Variants in CD2 observed in about 807,000 individuals in gnomAD.
CD2 encodes the protein T-cell surface antigen CD2.
Under a neutral mutation model 23.2 loss-of-function variants are expected in CD2, and 18 were observed. That is an observed-to-expected ratio of 0.77 (90% CI 0.54 to 1.15). The LOEUF is 1.15. Ranked by LOEUF, CD2 falls within the 50% of genes most tolerant of loss-of-function variation. The probability of loss-of-function intolerance (pLI) is 0.00; values close to 1 mark genes in which losing one functional copy is unlikely to be tolerated. For missense variants in CD2, 424 were observed against 423.1 expected (o/e 1.00, Z -0.02); for synonymous variants, 162 against 151.9 (o/e 1.07, Z -0.49).
At chr1:116,762,907 T>C (rs987271297) in intron 3 of CD2, among the ~76,000 whole-genome samples, 2 of 152,166 alleles carry the variant, frequency 1.3e-5, no homozygotes, top group Non-Finnish European at 2.9e-5. Flanking sequence ...CAAGATAAAA[T>C]TGTGGCCACC....
intron 4 of CD2, 81 bp from the exon 5 acceptor site, chr1:116,768,383 G>A (rs866683032): frequency 2.0e-5 from 27 of 1,333,188 alleles, no homozygotes; most frequent in South Asian, 2.9e-5. Context: ...CTAGCATGGC[G>A]CCTTGCATAT....
At chr1:116,767,596 A>G (rs900406370) in intron 4 of CD2, among the ~76,000 whole-genome samples, 2 of 151,876 alleles carry the variant, frequency 1.3e-5, no homozygotes, top group South Asian at 2.1e-4. Context: ...CAACTCAAAA[A>G]AAAAAAAAAA....
rs746891120 is a variant in CD2, at chr1:116,754,638, C to A, written c.69C>A (p.Val23=). The change falls in exon 2 of 5, where the codon GTC becomes GTA. Residue 23 remains valine (V), a synonymous_variant. Coordinates refer to ENST00000369478, the MANE Select transcript of CD2 (RefSeq NM_001767.5). ...LIFNVSSKGA[V]SKEITNALET... ...CTCTTTTGCTTTTTATAGGTGCAGT[C>A]TCCAAAGAGATTACGAATGCCTTGG... The A allele has an allele frequency of 5.6e-6, 9 of 1,608,088 alleles. No individual in the cohort carries two copies. Among genetic ancestry groups the A allele is most frequent in the South Asian group, 1.1e-5 (1 of 89,642 alleles).
chr1:116,768,308 T>C (rs1652278237), intron 4 of CD2, among the ~76,000 whole-genome samples, 156 bp from the exon 5 acceptor site: 1 of 152,216 alleles, frequency 6.6e-6, no homozygotes, highest in African/African-American at 2.4e-5. Flanking sequence ...CTTTCTCTCC[T>C]ACAAGCTTAG....
rs747778961 is a variant in CD2 at position 116,754,965 on chromosome 1, C to T, written c.382+14C>T. ...TGAAGATTCAAGGTAAGTGTTCATT[C>T]CCTTAATTGCTTTATTTCAGTGTGG... On this transcript the variant is annotated intron_variant, in intron 2 of 4. Coordinates refer to ENST00000369478, the MANE Select transcript of CD2 (RefSeq NM_001767.5). 2 of 1,534,066 alleles carry T rather than the reference C, an allele frequency of 1.3e-6. No individual in the cohort carries two copies. Among genetic ancestry groups the T allele is most frequent in the Non-Finnish European group, 1.8e-6 (2 of 1,123,084 alleles).
At chr1:116,756,725 G>T (rs907650577) in intron 2 of CD2, among the ~76,000 whole-genome samples, 1 of 152,068 alleles carries the variant, frequency 6.6e-6, no homozygotes. Flanking sequence ...CCCTTTAGCC[G>T]AAAGACAGTG....
rs773828485 is a variant in CD2 at position 116,768,461 on chromosome 1, C to T, written c.737-3C>T. On this transcript the variant is annotated splice_region_variant and splice_polypyrimidine_tract_variant and intron_variant, in intron 4 of 4. Coordinates refer to ENST00000369478, the MANE Select transcript of CD2 (RefSeq NM_001767.5). ...GAACTCTATTGAGGTTTTGTTGTTGCAGATGAGGAGCTGGAGACAAGAGCC... is the reference window on the plus strand; with the variant it reads ...GAACTCTATTGAGGTTTTGTTGTTGTAGATGAGGAGCTGGAGACAAGAGCC... 5 of 1,611,824 alleles carry T rather than the reference C, an allele frequency of 3.1e-6. No individual in the cohort carries two copies. The highest frequency in any genetic ancestry group is 4.2e-6 in the Non-Finnish European group (5 of 1,178,772).
At chr1:116,762,141 T>TGGCCA (rs1652075096) in intron 3 of CD2, among the ~76,000 whole-genome samples, 1 of 152,240 alleles carries the variant, frequency 6.6e-6, no homozygotes, top group Non-Finnish European at 1.5e-5. Flanking sequence ...GGGAGATCTT[T>TGGCCA]GATTAGAGTT....
rs1351140081 is a variant in CD2, at chr1:116,754,886, AG to A, written c.319del (p.Val107TyrfsTer18). 1 of 1,610,648 alleles carries A rather than the reference AG, an allele frequency of 6.2e-7. No homozygotes were observed. On this transcript the variant is annotated frameshift_variant, in exon 2 of 5. Transcript: ENST00000369478. LOFTEE classifies it high-confidence loss of function. ...HLKTDDQDIYKVSIYDTKGKN... is the reference protein window; with the variant it reads ...HLKTDDQDIYXVSIYDTKGKN... ...AAGACCGATGATCAGGATATCTACA[AG>A]GTATCAATATATGATACAAAAGGAA...
At chr1:116,758,199 A>G (rs974139438) in intron 2 of CD2, among the ~76,000 whole-genome samples, 5 of 152,026 alleles carry the variant, frequency 3.3e-5, no homozygotes, top group Non-Finnish European at 5.9e-5. Flanking sequence ...TAAACTTTTA[A>G]AAATATTTTA....
chr1:116,761,474 G>A (rs979415864), intron 3 of CD2, among the ~76,000 whole-genome samples: 3 of 152,134 alleles, frequency 2.0e-5, no homozygotes, highest in Admixed American at 1.3e-4. Flanking sequence ...CATTCATGTG[G>A]GCCGTTGGGC....
intron 4 of CD2, among the ~76,000 whole-genome samples, chr1:116,765,692 T>A (rs2101170086): frequency 6.6e-6 from 1 of 152,318 alleles, no homozygotes; most frequent in East Asian, 1.9e-4. Context: ...TGGCTTATCC[T>A]CCTCTGTGCC....
chr1:116,761,137 A>G (rs886417572), intron 3 of CD2, among the ~76,000 whole-genome samples: 2 of 152,158 alleles, frequency 1.3e-5, no homozygotes, highest in Non-Finnish European at 2.9e-5. Context: ...GTGGACAGCA[A>G]GGCAACACTC....
intron 4 of CD2, among the ~76,000 whole-genome samples, chr1:116,766,897 G>A (rs1365360585): frequency 1.3e-5 from 2 of 151,962 alleles, no homozygotes; most frequent in Non-Finnish European, 2.9e-5. Context: ...AAAATAGTGG[G>A]TGAACAGAGT....
chr1:116,765,847 G>A (rs1259680070), intron 4 of CD2, among the ~76,000 whole-genome samples: 3 of 152,266 alleles, frequency 2.0e-5, no homozygotes, highest in East Asian at 3.8e-4. Flanking sequence ...AAGAATGATG[G>A]TTAGCTCATG....
chr1:116,756,173 G>T (rs756499282), intron 2 of CD2, among the ~76,000 whole-genome samples: 2 of 152,118 alleles, frequency 1.3e-5, no homozygotes, highest in Admixed American at 1.3e-4. Context: ...TGAGTGGAGA[G>T]CACCTTGTAG....
chr1:116,756,301 C>G (rs922900408), intron 2 of CD2, among the ~76,000 whole-genome samples: 1 of 152,122 alleles, frequency 6.6e-6, no homozygotes, highest in African/African-American at 2.4e-5. Flanking sequence ...GAGTGTGAGC[C>G]CTACGCGGGG....
chr1:116,756,377 T>G (rs904065470), intron 2 of CD2, among the ~76,000 whole-genome samples: 1 of 152,136 alleles, frequency 6.6e-6, no homozygotes, highest in African/African-American at 2.4e-5. Flanking sequence ...GGCTACCAGT[T>G]AGGGGTCAAG....
intron 3 of CD2, among the ~76,000 whole-genome samples, chr1:116,760,957 G>A (rs939335973): frequency 2.0e-5 from 3 of 152,296 alleles, no homozygotes; most frequent in East Asian, 1.9e-4. Flanking sequence ...TTCCAGAGAG[G>A]GAAACTGACT....
Sources: allele counts gnomAD v4.1 joint callset (sites outside exome capture counted in the v4.1 genomes callset), GRCh38; gene constraint gnomAD v4.1.1; transcripts MANE v1.5; gene names NCBI Gene and HGNC (gene_info 2026-07-23, HGNC 2026-07-21).